Variants in ANKS1B observed in about 807,000 individuals in gnomAD.
The protein encoded by ANKS1B is ankyrin repeat and sterile alpha motif domain containing 1B.
Under a neutral mutation model 148.3 loss-of-function variants are expected in ANKS1B, and 36 were observed. The ratio of observed to expected loss-of-function variants is 0.24; its 90% CI spans 0.19 to 0.32. The LOEUF is 0.32. Ranked by LOEUF, ANKS1B falls within the 10% of genes least tolerant of loss-of-function variation. ANKS1B has a pLI of 1.00. For missense variants in ANKS1B, 1,157 were observed against 1,542.6 expected (o/e 0.75, Z 4.19); for synonymous variants, 542 against 560.8 (o/e 0.97, Z 0.47).
intron 9 of ANKS1B, among the ~76,000 whole-genome samples, chr12:99,603,091 G>T (rs2097819296): frequency 6.6e-6 from 1 of 152,048 alleles, no homozygotes; most frequent in African/African-American, 2.4e-5. Context: ...CGCCAGGCTG[G>T]AGTGCAGTGG....
At chr12:99,080,044 C>T (rs753352520) in intron 16 of ANKS1B, 3 of 152,362 alleles carry the variant, frequency 2.0e-5, no homozygotes, top group Non-Finnish European at 4.4e-5. Context: ...CACTAACCAA[C>T]CGGGAAGCCC....
chr12:99,123,797 C>A (rs1195172816), intron 15 of ANKS1B, among the ~76,000 whole-genome samples: 3 of 152,172 alleles, frequency 2.0e-5, no homozygotes, highest in African/African-American at 7.2e-5. Context: ...TTTATCCCAG[C>A]CACACTGGAA....
At chr12:99,727,750 C>A (rs2058751163) in intron 8 of ANKS1B, among the ~76,000 whole-genome samples, 1 of 152,142 alleles carries the variant, frequency 6.6e-6, no homozygotes, top group African/African-American at 2.4e-5. Context: ...TACTACAAGG[C>A]TACAGTAACC....
intron 1 of ANKS1B, among the ~76,000 whole-genome samples, chr12:99,880,717 CT>C (rs1388149914): frequency 6.6e-6 from 1 of 152,108 alleles, no homozygotes; most frequent in Non-Finnish European, 1.5e-5. Context: ...TGATTATATC[CT>C]TTATTACAGG....
intron 8 of ANKS1B, among the ~76,000 whole-genome samples, chr12:99,719,353 C>T (rs968468630): frequency 4.6e-5 from 7 of 152,062 alleles, no homozygotes; most frequent in African/African-American, 1.2e-4. Context: ...GACTTCAATC[C>T]AGCCTCCCAC....
At chr12:98,862,809 A>G (rs1250311772) in intron 17 of ANKS1B, among the ~76,000 whole-genome samples, 2 of 152,212 alleles carry the variant, frequency 1.3e-5, no homozygotes, top group Non-Finnish European at 2.9e-5. Flanking sequence ...CTTGCTTTAT[A>G]TATTATACAC....
At chr12:99,250,700 T>G (rs374551755) in intron 12 of ANKS1B, among the ~76,000 whole-genome samples, 2 of 73,290 alleles carry the variant, frequency 2.7e-5, no homozygotes, top group Non-Finnish European at 5.4e-5. Context: ...TATGAAAATA[T>G]AAACTATATC....
chr12:99,124,734 G>C (rs1016873821), intron 15 of ANKS1B, among the ~76,000 whole-genome samples: 2 of 151,912 alleles, frequency 1.3e-5, no homozygotes, highest in African/African-American at 4.8e-5. Flanking sequence ...ATAGGGGAGG[G>C]GCATCCAAAA....
intron 25 of ANKS1B, among the ~76,000 whole-genome samples, chr12:98,761,456 A>AGGAAGCTCAGAGCT (rs2098404164): frequency 6.6e-6 from 1 of 152,230 alleles, no homozygotes; most frequent in Admixed American, 6.5e-5. Flanking sequence ...CTTGACCTCC[A>AGGAAGCTCAGAGCT]GGAAGCTCAG....
intron 19 of ANKS1B, among the ~76,000 whole-genome samples, chr12:98,816,100 C>A (rs2099137652): frequency 6.6e-6 from 1 of 152,068 alleles, no homozygotes; most frequent in South Asian, 2.1e-4. Context: ...GCCTCATAGC[C>A]TCTGCATTTG....
intron 10 of ANKS1B, among the ~76,000 whole-genome samples, chr12:99,493,411 C>T (rs1324795028): frequency 6.6e-6 from 1 of 151,428 alleles, no homozygotes; most frequent in Non-Finnish European, 1.5e-5. Flanking sequence ...GGAAACAGGA[C>T]TTTAGGAAAC....
intron 17 of ANKS1B, among the ~76,000 whole-genome samples, chr12:99,010,575 AG>A (rs1258510542): frequency 1.3e-5 from 2 of 152,106 alleles, no homozygotes; most frequent in Non-Finnish European, 2.9e-5. Flanking sequence ...CCTATTTTGC[AG>A]GTGAGAAAAC....
At chr12:98,836,156 C>T (rs758212280) in intron 17 of ANKS1B, among the ~76,000 whole-genome samples, 35 of 152,260 alleles carry the variant, frequency 2.3e-4, no homozygotes, top group Non-Finnish European at 4.4e-4. Flanking sequence ...TACCTTTTGA[C>T]CTTTAGCTAC....
At chr12:99,101,390 A>AT (rs2057900181) in intron 15 of ANKS1B, among the ~76,000 whole-genome samples, 1 of 152,250 alleles carries the variant, frequency 6.6e-6, no homozygotes, top group Admixed American at 6.5e-5. Flanking sequence ...GTGATGTATT[A>AT]AAGAAATACT....
At position 99,676,781 on chromosome 12, in the gene ANKS1B, G is replaced by T. The variant is rs1234389331; in HGVS notation, c.1129-21571C>A. Among the ~76,000 whole-genome samples, 9 of 152,186 alleles carry T rather than the reference G, an allele frequency of 5.9e-5. No homozygotes were observed. The South Asian group carries it at 1.2e-3, about 21-fold the overall frequency. On this transcript the variant is annotated intron_variant, in intron 8 of 26. Transcript: ENST00000683438. ...TATCTCCAAGTTTCATACAGCTACTGTGAAGTCAAAATCTGGAAAACAAGT... is the reference window on the plus strand; with the variant it reads ...TATCTCCAAGTTTCATACAGCTACTTTGAAGTCAAAATCTGGAAAACAAGT...
At chr12:99,761,625 T>C (rs2062123873) in intron 8 of ANKS1B, among the ~76,000 whole-genome samples, 1 of 152,062 alleles carries the variant, frequency 6.6e-6, no homozygotes, top group Admixed American at 6.6e-5. Flanking sequence ...GCATTTTCCT[T>C]AAGGACTAGA....
chr12:99,239,653 A>C (rs1465349026), intron 14 of ANKS1B, among the ~76,000 whole-genome samples: 1 of 152,238 alleles, frequency 6.6e-6, no homozygotes, highest in African/African-American at 2.4e-5. Flanking sequence ...AAAAATGTTA[A>C]GGGCAGCCAG....
At chr12:98,945,845 CATCGGCAAA>C (rs2099844678) in intron 17 of ANKS1B, among the ~76,000 whole-genome samples, 1 of 152,202 alleles carries the variant, frequency 6.6e-6, no homozygotes. Context: ...AGCACTTCAC[CATCGGCAAA>C]ATCAATGGAG....
chr12:98,796,782 AAT>A (rs1376555566), intron 22 of ANKS1B, among the ~76,000 whole-genome samples: 1 of 152,188 alleles, frequency 6.6e-6, no homozygotes, highest in Non-Finnish European at 1.5e-5. Flanking sequence ...ATGGCTTCTA[AAT>A]ATATGTTTTT....
Sources: allele counts gnomAD v4.1 joint callset (sites outside exome capture counted in the v4.1 genomes callset), GRCh38; gene constraint gnomAD v4.1.1; transcripts MANE v1.5; gene names NCBI Gene and HGNC (gene_info 2026-07-23, HGNC 2026-07-21).